The following JAZF1 variants were observed in gnomAD, a reference collection of about 807,000 sequenced individuals.
JAZF1 encodes juxtaposed with another zinc finger protein 1.
In JAZF1, 8 loss-of-function variants were observed where a neutral mutation model predicts 26.4. That is an observed-to-expected ratio of 0.30 (90% confidence interval 0.18 to 0.55). The LOEUF (loss-of-function observed/expected upper bound fraction) is 0.55, where lower values mean the gene tolerates loss of function less well. Among genes scored for constraint, JAZF1 ranks in the 20% least tolerant of loss-of-function variants. JAZF1 has a pLI of 0.94. For missense variants in JAZF1, 199 were observed against 322.0 expected (o/e 0.62, Z 2.92); for synonymous variants, 126 against 122.3 (o/e 1.03, Z -0.20).
chr7:28,031,828 G>C (rs1349215257), intron 1 of JAZF1, among the ~76,000 whole-genome samples: 1 of 152,004 alleles, frequency 6.6e-6, no homozygotes, highest in Non-Finnish European at 1.5e-5. Context: ...ACCACCATGC[G>C]ACATGTTCAC....
At chr7:28,160,027 C>T (rs997831735) in intron 1 of JAZF1, among the ~76,000 whole-genome samples, 1 of 152,040 alleles carries the variant, frequency 6.6e-6, no homozygotes, top group African/African-American at 2.4e-5. Flanking sequence ...CAGAACTTAA[C>T]AGAATGATGG....
At chr7:27,875,279 G>T (rs1199763317) in intron 3 of JAZF1, among the ~76,000 whole-genome samples, 1 of 152,064 alleles carries the variant, frequency 6.6e-6, no homozygotes, top group East Asian at 1.9e-4. Flanking sequence ...GCACTTCCCT[G>T]CTCTGTGATC....
Position 28,180,491 on chromosome 7 carries a change from G to T in JAZF1, c.87C>A (p.Leu29=). The part of the protein sequence containing the change: ...CGLHFPTLAD[L]IEHIEDNHID... ...TGTGGTTGTCCTCGATGTGCTCGAT[G>T]AGGTCGGCCAGGGTGGGGAAGTGGA... is the stretch of plus-strand genomic sequence containing the variant. Residue 29 remains leucine, a synonymous_variant, in exon 1 of 5, where the codon CTC becomes CTA. Coordinates refer to ENST00000283928, the MANE Select transcript of JAZF1 (RefSeq NM_175061.4). The T allele has an allele frequency of 6.2e-7, 1 of 1,611,166 alleles. No homozygotes were observed. The highest frequency in any genetic ancestry group is 8.5e-7 in the Non-Finnish European group (1 of 1,179,040).
intron 1 of JAZF1, among the ~76,000 whole-genome samples, chr7:28,152,951 T>C (rs532952726): frequency 1.3e-5 from 2 of 152,304 alleles, no homozygotes; most frequent in South Asian, 4.1e-4. Flanking sequence ...TTGAAAACAG[T>C]GTAAATTGGT....
Position 27,998,025 on chromosome 7 carries a change from AGAAGGAAGGAAG to A in JAZF1, c.116-6056_116-6045del, listed in dbSNP as rs199643152. 2.3e-4 allele frequency among the ~76,000 whole-genome samples: 26 copies of A among 111,290 alleles called. No individual in the cohort carries two copies. The East Asian group carries it at 2.5e-3, about 11-fold the overall frequency. The allele number at this position is 111,290 out of a possible 152,430, so 73.0% of individuals were successfully genotyped here. A position where few individuals can be genotyped will look rare whatever the true frequency, so the allele number is the denominator to read the frequency against. On this transcript the variant is annotated intron_variant, in intron 1 of 4. Coordinates refer to ENST00000283928, the MANE Select transcript of JAZF1 (RefSeq NM_175061.4). Reference sequence around the variant, plus strand: ...AGGGAGGAAGAGAGGAATGGGGGGAAGAAGGAAGGAAGGAAGGAAGGAAGGAAGGAAGGAAGG... The same window carrying A: ...AGGGAGGAAGAGAGGAATGGGGGGAAGAAGGAAGGAAGGAAGGAAGGAAGG...
intron 1 of JAZF1, among the ~76,000 whole-genome samples, chr7:28,007,277 G>A (rs1183082694): frequency 1.3e-5 from 2 of 152,180 alleles, no homozygotes; most frequent in Non-Finnish European, 2.9e-5. Flanking sequence ...AGACCAGTCT[G>A]GCCAACATGA....
chr7:27,947,414 G>GC (rs1784937481), intron 2 of JAZF1, among the ~76,000 whole-genome samples: 1 of 152,074 alleles, frequency 6.6e-6, no homozygotes, highest in South Asian at 2.1e-4. Flanking sequence ...CACAATAGTA[G>GC]CCATCCATAA....
intron 3 of JAZF1, among the ~76,000 whole-genome samples, chr7:27,852,736 A>T (rs936730376): frequency 1.3e-5 from 2 of 152,072 alleles, no homozygotes; most frequent in Non-Finnish European, 2.9e-5. Flanking sequence ...AACACATTTC[A>T]CCTGTTCTGA....
chr7:28,034,950 G>A (rs1783259714), intron 1 of JAZF1, among the ~76,000 whole-genome samples: 1 of 152,136 alleles, frequency 6.6e-6, no homozygotes, highest in African/African-American at 2.4e-5. Context: ...CCAGCAAGAT[G>A]AGAACTTACA....
chr7:28,177,720 T>G (rs1783569574), intron 1 of JAZF1, among the ~76,000 whole-genome samples: 1 of 152,228 alleles, frequency 6.6e-6, no homozygotes, highest in African/African-American at 2.4e-5. Context: ...AATCAGTAAG[T>G]CAATCATTAA....
At chr7:28,005,196 C>T (rs1193149007) in intron 1 of JAZF1, among the ~76,000 whole-genome samples, 1 of 152,126 alleles carries the variant, frequency 6.6e-6, no homozygotes, top group East Asian at 1.9e-4. Context: ...ATTAATAAGA[C>T]CACATCACTT....
intron 3 of JAZF1, among the ~76,000 whole-genome samples, chr7:27,858,855 G>GTTACATAGCTATACAACAA (rs1257865177): frequency 6.6e-6 from 1 of 152,238 alleles, no homozygotes; most frequent in East Asian, 1.9e-4. Flanking sequence ...AAAAGCAATG[G>GTTACATAGCTATACAACAA]CAACAAAAGC....
At chr7:27,999,585 C>T (rs1448567327) in intron 1 of JAZF1, among the ~76,000 whole-genome samples, 1 of 152,184 alleles carries the variant, frequency 6.6e-6, no homozygotes, top group African/African-American at 2.4e-5. Flanking sequence ...AAGGCTTTGG[C>T]CCATATAGTA....
At chr7:27,857,617 C>T (rs1355229688) in intron 3 of JAZF1, among the ~76,000 whole-genome samples, 4 of 152,206 alleles carry the variant, frequency 2.6e-5, no homozygotes, top group Admixed American at 6.5e-5. Flanking sequence ...TAATCCATCA[C>T]ATAAACAGAA....
chr7:27,901,373 C>G (rs528847210), intron 2 of JAZF1, among the ~76,000 whole-genome samples: 1 of 152,118 alleles, frequency 6.6e-6, no homozygotes, highest in Non-Finnish European at 1.5e-5. Flanking sequence ...ACATGCTCAA[C>G]GTGGAAACAT....
At chr7:28,003,621 G>A (rs1232774500) in intron 1 of JAZF1, among the ~76,000 whole-genome samples, 5 of 152,062 alleles carry the variant, frequency 3.3e-5, no homozygotes, top group Non-Finnish European at 7.4e-5. Context: ...ATAGGAGTGG[G>A]GCTCAGTCTG....
At chr7:27,907,783 C>G (rs529159216) in intron 2 of JAZF1, among the ~76,000 whole-genome samples, 1 of 152,312 alleles carries the variant, frequency 6.6e-6, no homozygotes, top group East Asian at 1.9e-4. Context: ...AGAGATGGCA[C>G]ACACAGTGGC....
At position 28,180,341 on chromosome 7, in the gene JAZF1, C is replaced by T. The variant is rs547816410; in HGVS notation, c.115+122G>A. On this transcript the variant is annotated intron_variant, in intron 1 of 4. Coordinates refer to ENST00000283928, the MANE Select transcript of JAZF1 (RefSeq NM_175061.4). Reference sequence around the variant, plus strand: ...CCCGCCACCCCCACCTCGGGGCTCGCACGCGCCCTCCCCGCCCTGCCGCCT... The same window carrying T: ...CCCGCCACCCCCACCTCGGGGCTCGTACGCGCCCTCCCCGCCCTGCCGCCT... The T allele has an allele frequency of 5.1e-4, 277 of 548,260 alleles. 1 individual carries two copies. In the African/African-American group the frequency reaches 5.1e-3, roughly 10 times the overall value. The allele number at this position is 548,260 out of a possible 1,614,324, so 34.0% of individuals were successfully genotyped here.
chr7:28,091,845 T>A (rs1474952745), intron 1 of JAZF1, among the ~76,000 whole-genome samples: 1 of 152,100 alleles, frequency 6.6e-6, no homozygotes, highest in African/African-American at 2.4e-5. Flanking sequence ...GGTCCTTGAA[T>A]CCTGTGTAAT....
Sources: allele counts gnomAD v4.1 joint callset (sites outside exome capture counted in the v4.1 genomes callset), GRCh38; gene constraint gnomAD v4.1.1; transcripts MANE v1.5; gene names NCBI Gene and HGNC (gene_info 2026-07-23, HGNC 2026-07-21).